TEX11: variants seen among roughly 807,000 people sequenced by gnomAD.
The protein encoded by TEX11 is testis-expressed protein 11.
In TEX11, 7 loss-of-function variants were observed where a neutral mutation model predicts 84.4. The ratio of observed to expected loss-of-function variants is 0.08; its 90% CI spans 0.05 to 0.16. The LOEUF (loss-of-function observed/expected upper bound fraction) is 0.16. Ranked by LOEUF, TEX11 falls within the 10% of genes least tolerant of loss-of-function variation. The pLI is 1.00. For synonymous variants in TEX11, 264 were observed against 222.8 expected, an observed-to-expected ratio of 1.18 and a Z score of -1.64; for missense variants, 551 against 660.5, an observed-to-expected ratio of 0.83 and a Z score of 1.82.
chrX:70,729,299 A>G (rs1036650935), intron 11 of TEX11, among the ~76,000 whole-genome samples: 3 of 112,677 alleles, frequency 2.7e-5, no homozygotes, highest in African/African-American at 9.7e-5. Flanking sequence ...GCAACAGAAC[A>G]AAGCTGGATG....
chrX:70,529,245 TCCCAGA>T, intron 29 of TEX11, 58 bp from the exon 30 acceptor site: 4 of 925,951 alleles, frequency 4.3e-6, no homozygotes, highest in Non-Finnish European at 6.2e-6. Flanking sequence ...TGGGAAAGCT[TCCCAGA>T]CCCACGGTGA....
rs933405134 is a variant in TEX11 at position 70,768,610 on chromosome X, C to G, written c.693-24391G>C. The stretch of plus-strand genomic sequence containing the variant: ...AGAGAGAGGGCAAAGGGGGAAGAGC[C>G]CCTGATAAAACCATCAGATCTCATG... On this transcript the variant is annotated intron_variant, in intron 9 of 29. Transcript: ENST00000374333. Among the ~76,000 whole-genome samples, 3 of 110,844 alleles carry G rather than the reference C, an allele frequency of 2.7e-5. No homozygotes were observed. In the South Asian group the frequency reaches 1.2e-3, roughly 43 times the overall value.
chrX:70,516,437 G>T, the TEX11 span, among the ~76,000 whole-genome samples: 1,755 of 111,678 alleles, frequency 0.016, 82 homozygotes, highest in Admixed American at 0.12. Context: ...TTGTAGATGT[G>T]TGGTGTTATT....
chrX:70,761,977 T>C (rs1171042193), intron 9 of TEX11, among the ~76,000 whole-genome samples: 1 of 111,792 alleles, frequency 8.9e-6, no homozygotes, highest in Non-Finnish European at 1.9e-5. Flanking sequence ...AATGGAAACC[T>C]TACAGGCCAG....
intron 17 of TEX11, among the ~76,000 whole-genome samples, chrX:70,649,580 C>T (rs1425245721): frequency 9.0e-6 from 1 of 111,713 alleles, no homozygotes; most frequent in Non-Finnish European, 1.9e-5. Flanking sequence ...TCCACAGTCC[C>T]ACTCCTAGAT....
chrX:70,583,238 T>C (rs1402248009), intron 25 of TEX11, among the ~76,000 whole-genome samples: 1 of 111,546 alleles, frequency 9.0e-6, no homozygotes, highest in Non-Finnish European at 1.9e-5. Flanking sequence ...AAGTAATTTC[T>C]CATCCTTTAA....
intron 24 of TEX11, among the ~76,000 whole-genome samples, chrX:70,601,338 T>G: frequency 1.2e-5 from 1 of 85,917 alleles, no homozygotes; most frequent in Middle Eastern, 5.6e-3. Context: ...AATCTCTGAA[T>G]AGACCAATAA....
At chrX:70,814,409 G>T (rs1382984003) in intron 8 of TEX11, among the ~76,000 whole-genome samples, 4 of 112,091 alleles carry the variant, frequency 3.6e-5, no homozygotes, top group Non-Finnish European at 1.9e-5. Flanking sequence ...AAGTGATTAG[G>T]CTCTCCCAGA....
chrX:70,872,016 G>A (rs1283013664), intron 4 of TEX11, among the ~76,000 whole-genome samples: 8 of 107,514 alleles, frequency 7.4e-5, no homozygotes, highest in Non-Finnish European at 1.5e-4. Context: ...AAGAAAAAAA[G>A]AAATGAGACA....
intron 4 of TEX11, among the ~76,000 whole-genome samples, chrX:70,869,127 TAAAG>T (rs1381039228): frequency 2.8e-5 from 3 of 105,795 alleles, no homozygotes; most frequent in Admixed American, 2.0e-4. Flanking sequence ...CAAAATAAAA[TAAAG>T]AAAAGAAAAA....
chrX:70,660,831 T>C (rs1024983868), intron 16 of TEX11, among the ~76,000 whole-genome samples: 2 of 111,092 alleles, frequency 1.8e-5, no homozygotes, highest in African/African-American at 6.6e-5. Flanking sequence ...AGGTCAGGAG[T>C]TCAAGACCAG....
Position 70,554,724 on chromosome X carries a change from T to C in TEX11, c.2217A>G (p.Pro739=), listed in dbSNP as rs902214392. The change falls in exon 26 of 30, where the codon CCA becomes CCG. Residue 739 remains proline (P), a synonymous_variant. Transcript: ENST00000374333. ...EFEVRAKLND[P]LLESFLESVW... ...CTGATTCCAGGAAGCTTTCCAGTAATGGATCATTCAATTTGGCTCTAACTT... is the reference window on the plus strand; with the variant it reads ...CTGATTCCAGGAAGCTTTCCAGTAACGGATCATTCAATTTGGCTCTAACTT... The C allele has an allele frequency of 1.7e-6, 2 of 1,210,089 alleles. No individual in the cohort carries two copies. Among genetic ancestry groups the C allele is most frequent in the Non-Finnish European group, 1.1e-6 (1 of 894,441 alleles).
chrX:70,815,848 T>C (rs867695497), intron 8 of TEX11, among the ~76,000 whole-genome samples: 3 of 112,244 alleles, frequency 2.7e-5, no homozygotes, highest in African/African-American at 9.7e-5. Flanking sequence ...GAGTATGTTT[T>C]TTGGTTTTGA....
At chrX:70,648,853 C>T (rs1243559928) in intron 17 of TEX11, among the ~76,000 whole-genome samples, 1 of 110,769 alleles carries the variant, frequency 9.0e-6, no homozygotes, top group African/African-American at 3.3e-5. Flanking sequence ...GCTATTTGTC[C>T]TGATGTTCTC....
intron 4 of TEX11, among the ~76,000 whole-genome samples, chrX:70,869,117 C>CAA (rs1446973592): frequency 1.5e-5 from 1 of 66,821 alleles, no homozygotes; most frequent in Non-Finnish European, 2.9e-5. Context: ...TAAAATAAAA[C>CAA]AAAATAAAAT....
intron 13 of TEX11, among the ~76,000 whole-genome samples, chrX:70,721,120 T>A (rs2147717994): frequency 8.9e-6 from 1 of 111,762 alleles, no homozygotes; most frequent in African/African-American, 3.2e-5. Context: ...TAATTTATAA[T>A]GTAAGGAATT....
chrX:70,701,348 C>G (rs1251085065), intron 13 of TEX11, among the ~76,000 whole-genome samples: 1 of 111,557 alleles, frequency 9.0e-6, no homozygotes, highest in Non-Finnish European at 1.9e-5. Flanking sequence ...ATCCCAGGGC[C>G]CTTAAGAATT....
At chrX:70,744,304 T>C (rs2090754711) in intron 9 of TEX11, 85 bp from the exon 10 acceptor site, 3 of 373,482 alleles carry the variant, frequency 8.0e-6, no homozygotes, top group Non-Finnish European at 7.6e-6. Flanking sequence ...AGATTATATA[T>C]TACTAAGAAG....
intron 12 of TEX11, among the ~76,000 whole-genome samples, chrX:70,723,388 GA>G (rs1385316159): frequency 3.6e-5 from 4 of 110,989 alleles, no homozygotes; most frequent in Non-Finnish European, 7.6e-5. Context: ...AAATAAAGTG[GA>G]AAAAATGAAT....
Sources: allele counts gnomAD v4.1 joint callset (sites outside exome capture counted in the v4.1 genomes callset), GRCh38; gene constraint gnomAD v4.1.1; transcripts MANE v1.5; gene names NCBI Gene and HGNC (gene_info 2026-07-23, HGNC 2026-07-21).